Variants in SENP1 observed in about 807,000 individuals in gnomAD.
SENP1 encodes the protein SUMO specific peptidase 1, also known as sentrin-specific protease 1.
SENP1 carries 21 observed loss-of-function variants against 93.0 expected under a neutral mutation model. The ratio of observed to expected loss-of-function variants is 0.23; its 90% confidence interval spans 0.16 to 0.33. The LOEUF is 0.33. Among genes scored for constraint, SENP1 ranks in the 10% least tolerant of loss-of-function variants. The pLI is 1.00. For missense variants in SENP1, 591 were observed against 758.7 expected (o/e 0.78, Z 2.60); for synonymous variants, 256 against 259.6 (o/e 0.99, Z 0.13).
Position 48,045,374 on chromosome 12 carries a change from G to A in SENP1, c.1883C>T (p.Pro628Leu). 6.2e-7 allele frequency: 1 copy of A among 1,613,676 alleles called. No homozygotes were observed. The highest frequency in any genetic ancestry group is 8.5e-7 in the Non-Finnish European group (1 of 1,179,710). The change falls in exon 18 of 18, where the codon CCA becomes CTA. Residue 628 changes from proline to leucine, a missense_variant. Pro to Leu is a moderately conservative substitution (Grantham distance 98). Coordinates refer to ENST00000549518, the MANE Select transcript of SENP1 (RefSeq NM_001267594.2). ...RPINFTQQHM[P>L]YFRKRMVWEI... is the part of the protein sequence containing the mutation. ...CCAGACCATCCGCTTCCGGAAGTAT[G>A]GCATGTGTTGCTGTAGGGACACAGA...
At chr12:48,096,704 C>T (rs1435180119) in intron 3 of SENP1, among the ~76,000 whole-genome samples, 1 of 152,156 alleles carries the variant, frequency 6.6e-6, no homozygotes, top group Non-Finnish European at 1.5e-5. Flanking sequence ...GATCCGCCCA[C>T]CTCGGCCTCC....
chr12:48,073,104 C>CA (rs1943824088), intron 8 of SENP1, among the ~76,000 whole-genome samples: 1 of 152,106 alleles, frequency 6.6e-6, no homozygotes, highest in African/African-American at 2.4e-5. Context: ...GAATACTACT[C>CA]AAAGGCAGGA....
At chr12:48,058,551 T>C (rs1348329254) in intron 13 of SENP1, among the ~76,000 whole-genome samples, 8 of 152,146 alleles carry the variant, frequency 5.3e-5, no homozygotes, top group Admixed American at 4.6e-4. Context: ...ACGTACAGTC[T>C]TCCTTCATAT....
chr12:48,078,226 A>C (rs980154792), intron 6 of SENP1, among the ~76,000 whole-genome samples: 2 of 150,328 alleles, frequency 1.3e-5, no homozygotes, highest in African/African-American at 4.9e-5. Context: ...TTAACAGTGC[A>C]TAGAAATACT....
intron 4 of SENP1, chr12:48,089,384 C>A: frequency 8.3e-7 from 1 of 1,203,260 alleles, no homozygotes; most frequent in South Asian, 1.4e-5. Context: ...GATTACTAAG[C>A]AGCTAGTGTC....
At chr12:48,064,736 G>C (rs905793288) in intron 12 of SENP1, among the ~76,000 whole-genome samples, 4 of 152,134 alleles carry the variant, frequency 2.6e-5, no homozygotes, top group Admixed American at 1.3e-4. Flanking sequence ...AAGTACGGTG[G>C]CATGATCTCG....
In SENP1 at chr12:48,047,069, G is replaced by GT. The variant is rs1941425937; in HGVS notation, c.1692-8dup. 1.3e-6 allele frequency: 2 copies of GT among 1,580,090 alleles called. No individual in the cohort carries two copies. The stretch of plus-strand genomic sequence containing the variant: ...TTCTTGCTTTAGGTATTGCCTAAAG[G>GT]TATCAGGAGAGAATGAGATAAGCAG... On this transcript the variant is annotated splice_region_variant and splice_polypyrimidine_tract_variant and intron_variant, in intron 15 of 17. Transcript: ENST00000549518.
At chr12:48,070,715 C>A (rs915820324) in intron 9 of SENP1, among the ~76,000 whole-genome samples, 9 of 152,130 alleles carry the variant, frequency 5.9e-5, no homozygotes, top group South Asian at 4.1e-4. Context: ...AGGAGGTTAA[C>A]AAATAATCAT....
chr12:48,083,491 T>C (rs1024917419), intron 6 of SENP1, 100 bp downstream of exon 6: 9 of 926,318 alleles, frequency 9.7e-6, no homozygotes, highest in Middle Eastern at 2.1e-4. Context: ...AAGGATAAAA[T>C]AGAATGGTTC....
At chr12:48,065,504 A>C in intron 11 of SENP1, 92 bp downstream of exon 11, 1 of 809,472 alleles carries the variant, frequency 1.2e-6, no homozygotes, top group Non-Finnish European at 2.0e-6. Flanking sequence ...TGGAATTACA[A>C]CAGCAATTAC....
chr12:48,088,532 C>A, intron 5 of SENP1: 1 of 399,032 alleles, frequency 2.5e-6, no homozygotes, highest in Non-Finnish European at 4.5e-6. Context: ...TTGCAAGAGC[C>A]ATATTGATCT....
chr12:48,078,274 T>C (rs1354569320), intron 6 of SENP1, among the ~76,000 whole-genome samples: 2 of 142,076 alleles, frequency 1.4e-5, no homozygotes, highest in African/African-American at 5.1e-5. Flanking sequence ...CCTACAACTA[T>C]ACTGTATTCA....
chr12:48,044,948 G>A lies in SENP1; in HGVS notation c.*374C>T. On this transcript the variant is annotated 3_prime_UTR_variant, in exon 18 of 18. Transcript: ENST00000549518. ...CATGCCCTTTCCTACTTCTTAGTAA[G>A]GCCTAACAACAAGAATTTATATGAA... 4.4e-6 allele frequency: 1 copy of A among 225,226 alleles called. No individual in the cohort carries two copies. The highest frequency in any genetic ancestry group is 9.0e-6 in the Non-Finnish European group (1 of 111,614). 14.0% of individuals were successfully genotyped at this position (225,226 alleles called of 1,614,324 possible). A position where few individuals can be genotyped will look rare whatever the true frequency, so the allele number is the denominator to read the frequency against.
intron 9 of SENP1, among the ~76,000 whole-genome samples, chr12:48,069,152 C>CAAAAAAAAAGAAAA (rs1943500861): frequency 1.3e-5 from 1 of 76,336 alleles, no homozygotes; most frequent in Non-Finnish European, 2.2e-5. Context: ...GACTCTGTCA[C>CAAAAAAAAAGAAAA]AAAAAAAAAA....
At chr12:48,067,083 G>C in intron 9 of SENP1, 118 bp from the exon 10 acceptor site, 3 of 684,220 alleles carry the variant, frequency 4.4e-6, no homozygotes, top group East Asian at 2.8e-5. Context: ...TACAAGTATG[G>C]AATAAGTAAA....
Position 48,093,151 on chromosome 12 carries a change from T to G in SENP1, c.220+3192A>C, listed in dbSNP as rs542653993. The stretch of plus-strand genomic sequence containing the variant: ...TCAAGTATAATCTGTAAGAGCACTC[T>G]GTAATCAAACATGTTATCTACAGCA... On this transcript the variant is annotated intron_variant, in intron 4 of 17. Coordinates refer to ENST00000549518, the MANE Select transcript of SENP1 (RefSeq NM_001267594.2). 6.6e-5 allele frequency among the ~76,000 whole-genome samples: 10 copies of G among 152,286 alleles called. No individual in the cohort carries two copies. The South Asian group carries it at 2.1e-3, about 32-fold the overall frequency.
At chr12:48,105,618 G>A (rs75098984) in intron 1 of SENP1, 7,025 of 444,788 alleles carry the variant, frequency 0.016, 186 homozygotes, top group East Asian at 0.093. Flanking sequence ...AGATGAAGCC[G>A]GTACCACAGA....
chr12:48,047,190 T>A lies in SENP1; in HGVS notation c.1692-128A>T, dbSNP rs543966009. 43 of 608,784 alleles carry A rather than the reference T, an allele frequency of 7.1e-5. 5 individuals are homozygous for A. In the South Asian group the frequency reaches 8.6e-4, roughly 12 times the overall value. The allele number at this position is 608,784 out of a possible 1,614,324, so 37.7% of individuals were successfully genotyped here. A position where few individuals can be genotyped will look rare whatever the true frequency, so the allele number is the denominator to read the frequency against. ...CTGCTCTTCTGAGGAAAAGAGTATA[T>A]AATACTGGGCAGGGAATCCCTGGAT... On this transcript the variant is annotated intron_variant, in intron 15 of 17. Coordinates refer to ENST00000549518, the MANE Select transcript of SENP1 (RefSeq NM_001267594.2).
rs909315351 is a variant in SENP1, at chr12:48,057,521, C to T, written c.1407+6189G>A. 9.5e-5 allele frequency among the ~76,000 whole-genome samples: 14 copies of T among 146,884 alleles called. No homozygotes were observed. In the Middle Eastern group the frequency reaches 0.015, roughly 154 times the overall value. ...CTGGGATTACAGGTGTGAGCCACTGCGCCCGACCTGTATTATATATATTTT... is the reference window on the plus strand; with the variant it reads ...CTGGGATTACAGGTGTGAGCCACTGTGCCCGACCTGTATTATATATATTTT... On this transcript the variant is annotated intron_variant, in intron 13 of 17. Coordinates refer to ENST00000549518, the MANE Select transcript of SENP1 (RefSeq NM_001267594.2).
Sources: gnomAD v4.1 joint callset for allele counts (sites outside exome capture counted in the v4.1 genomes callset) on GRCh38, gnomAD v4.1.1 for gene constraint, MANE v1.5 for transcripts, NCBI Gene and HGNC (gene_info 2026-07-23, HGNC 2026-07-21) for gene names.